Variants in NUP62CL observed in about 807,000 individuals in gnomAD.
NUP62CL encodes nucleoporin-62 C-terminal-like protein.
Under a neutral mutation model 15.3 loss-of-function variants are expected in NUP62CL, and 13 were observed. The ratio of observed to expected loss-of-function variants is 0.85; its 90% CI spans 0.55 to 1.35. The LOEUF is 1.35. Among genes scored for constraint, NUP62CL ranks in the 40% most tolerant of loss-of-function variants. The pLI is 0.00. For synonymous variants in NUP62CL, 54 were observed against 49.2 expected (o/e 1.10, Z -0.41); for missense variants, 123 against 130.6 (o/e 0.94, Z 0.28).
At chrX:107,170,209 TAC>T (rs746061215) in intron 3 of NUP62CL, among the ~76,000 whole-genome samples, 13 of 108,505 alleles carry the variant, frequency 1.2e-4, no homozygotes, top group Admixed American at 2.0e-4. Flanking sequence ...TAAGAATGTG[TAC>T]ACACACACAC....
rs185182411 is a variant in NUP62CL at position 107,154,786 on chromosome X, G to A, written c.195-540C>T. ...AGAGCCAGTCAATGGTGATTCCTCT[G>A]CTGGGGTAGTGTCAGCACGGCTCAG... On this transcript the variant is annotated intron_variant, in intron 4 of 8. Coordinates refer to ENST00000372466, the MANE Select transcript of NUP62CL (RefSeq NM_017681.3). 1.3e-3 allele frequency among the ~76,000 whole-genome samples: 141 copies of A among 111,972 alleles called. 2 individuals carry two copies. Among genetic ancestry groups the A allele is most frequent in the Admixed American group, 0.011 (121 of 10,614 alleles).
chrX:107,148,092 CA>C (rs1246243703), intron 7 of NUP62CL, among the ~76,000 whole-genome samples: 1 of 111,070 alleles, frequency 9.0e-6, no homozygotes, highest in Non-Finnish European at 1.9e-5. Flanking sequence ...ACACATTTCA[CA>C]AGACAATGAA....
intron 8 of NUP62CL, among the ~76,000 whole-genome samples, chrX:107,137,787 A>T (rs1387704845): frequency 8.9e-6 from 1 of 112,046 alleles, no homozygotes; most frequent in Non-Finnish European, 1.9e-5. Context: ...CACAGTAAAG[A>T]TGTTAATTCT....
Position 107,133,365 on chromosome X carries a change from C to T in NUP62CL, c.*43-9033G>A, listed in dbSNP as rs756772470. 7.3e-5 allele frequency among the ~76,000 whole-genome samples: 8 copies of T among 110,317 alleles called. No homozygotes were observed. The East Asian group carries it at 1.4e-3, about 20-fold the overall frequency. ...TTTTTTTTCCTTTGGGACAGGGTCT[C>T]GCTCTGTCGCCCAGGCTGGAGTGCA... On this transcript the variant is annotated intron_variant, in intron 8 of 8. Coordinates refer to ENST00000372466, the MANE Select transcript of NUP62CL (RefSeq NM_017681.3).
intron 8 of NUP62CL, among the ~76,000 whole-genome samples, chrX:107,143,078 T>C (rs1159989161): frequency 9.0e-6 from 1 of 111,680 alleles, no homozygotes; most frequent in African/African-American, 3.3e-5. Context: ...TTGACACCTT[T>C]CTAGTTCAGT....
chrX:107,178,019 C>A (rs1926824744), intron 2 of NUP62CL, among the ~76,000 whole-genome samples: 1 of 111,484 alleles, frequency 9.0e-6, no homozygotes, highest in Non-Finnish European at 1.9e-5. Context: ...ATTGTACTTG[C>A]CATAAAAGGA....
chrX:107,206,053 A>C (rs1462499738), intron 1 of NUP62CL, among the ~76,000 whole-genome samples: 1 of 109,813 alleles, frequency 9.1e-6, no homozygotes, highest in Non-Finnish European at 1.9e-5. Context: ...GAAGCACAAC[A>C]CGTGTTTCTG....
intron 1 of NUP62CL, among the ~76,000 whole-genome samples, chrX:107,194,801 TTCTTTCTC>T (rs570617427): frequency 1.3e-4 from 12 of 91,731 alleles, no homozygotes; most frequent in African/African-American, 5.4e-4. Context: ...CAATTTTCTT[TTCTTTCTC>T]TCTTTTTTTT....
intron 4 of NUP62CL, among the ~76,000 whole-genome samples, chrX:107,161,654 T>C (rs1285893944): frequency 1.2e-4 from 4 of 33,702 alleles, no homozygotes; most frequent in Non-Finnish European, 2.0e-4. Flanking sequence ...AGGGATAGCA[T>C]TGGGAGATAT....
chrX:107,131,648 G>T, intron 8 of NUP62CL: 1 of 577,222 alleles, frequency 1.7e-6, no homozygotes. Context: ...GGCCGCGGCC[G>T]ACTAGCGGGA....
intron 2 of NUP62CL, among the ~76,000 whole-genome samples, chrX:107,185,146 G>C (rs1223031722): frequency 1.1e-5 from 1 of 90,654 alleles, no homozygotes; most frequent in African/African-American, 4.5e-5. Flanking sequence ...GCAGTGAGCC[G>C]AGATCGCGCC....
chrX:107,201,274 T>C (rs752687543), intron 1 of NUP62CL, among the ~76,000 whole-genome samples: 1 of 111,608 alleles, frequency 9.0e-6, no homozygotes, highest in Admixed American at 9.6e-5. Flanking sequence ...CATGATGTTA[T>C]TCAACTGTCA....
At chrX:107,141,917 G>A (rs750750948) in intron 8 of NUP62CL, among the ~76,000 whole-genome samples, 151 of 109,336 alleles carry the variant, frequency 1.4e-3, no homozygotes, top group African/African-American at 4.5e-3. Context: ...AAAATTAGCC[G>A]GGTATGGTGG....
chrX:107,183,051 G>C (rs1431141018), intron 2 of NUP62CL, among the ~76,000 whole-genome samples: 3 of 111,117 alleles, frequency 2.7e-5, no homozygotes, highest in Non-Finnish European at 5.7e-5. Flanking sequence ...ATATTAGCCA[G>C]GCATGGCGGC....
chrX:107,135,053 A>T (rs1382122067), intron 8 of NUP62CL, among the ~76,000 whole-genome samples: 4 of 110,948 alleles, frequency 3.6e-5, no homozygotes, highest in African/African-American at 1.3e-4. Flanking sequence ...TTTATGTGAC[A>T]TTTTTTTAGT....
chrX:107,182,129 C>A (rs1926933886), intron 2 of NUP62CL, among the ~76,000 whole-genome samples: 1 of 112,405 alleles, frequency 8.9e-6, no homozygotes, highest in Admixed American at 9.4e-5. Context: ...ATATGATTTG[C>A]TTTTAAGTTA....
intron 8 of NUP62CL, among the ~76,000 whole-genome samples, chrX:107,140,217 A>G (rs1316402775): frequency 1.8e-5 from 2 of 112,004 alleles, no homozygotes; most frequent in East Asian, 2.8e-4. Context: ...TAGAATTATT[A>G]TATCTTAAGT....
intron 2 of NUP62CL, among the ~76,000 whole-genome samples, chrX:107,188,029 G>T (rs1175805261): frequency 1.8e-5 from 2 of 112,093 alleles, no homozygotes; most frequent in Non-Finnish European, 3.8e-5. Context: ...TCTACCAAAT[G>T]TTTGAAGAAT....
chrX:107,145,313 A>T (rs1232775752), intron 8 of NUP62CL, among the ~76,000 whole-genome samples: 1 of 111,011 alleles, frequency 9.0e-6, no homozygotes, highest in Non-Finnish European at 1.9e-5. Flanking sequence ...TTTTAAGGCC[A>T]CATCTTTAAA....
Sources: allele counts gnomAD v4.1 joint callset (sites outside exome capture counted in the v4.1 genomes callset), GRCh38; gene constraint gnomAD v4.1.1; transcripts MANE v1.5; gene names NCBI Gene and HGNC (gene_info 2026-07-23, HGNC 2026-07-21).